Variants in FGF13 observed in about 807,000 individuals in gnomAD.
FGF13 encodes fibroblast growth factor homologous factor 2.
Under a neutral mutation model 19.5 loss-of-function variants are expected in FGF13, and 2 were observed. The ratio of observed to expected loss-of-function variants is 0.10; its 90% CI spans 0.04 to 0.32. The LOEUF (loss-of-function observed/expected upper bound fraction) is 0.32, where lower values mean the gene tolerates loss of function less well. Among genes scored for constraint, FGF13 ranks in the 10% least tolerant of loss-of-function variants. The probability of loss-of-function intolerance (pLI) is 1.00; values close to 1 mark genes in which losing one functional copy is unlikely to be tolerated. For synonymous variants in FGF13, 72 were observed against 76.9 expected (o/e 0.94, Z 0.33); for missense variants, 113 against 192.7 (o/e 0.59, Z 2.45).
intron 3 of FGF13, among the ~76,000 whole-genome samples, chrX:138,642,702 C>T (rs998635740): frequency 8.0e-5 from 9 of 112,238 alleles, no homozygotes; most frequent in Non-Finnish European, 1.7e-4. Flanking sequence ...ACATGAATTA[C>T]ACTTTGTGTT....
chrX:138,656,756 C>T (rs897440298), intron 3 of FGF13, among the ~76,000 whole-genome samples: 1 of 111,971 alleles, frequency 8.9e-6, no homozygotes, highest in Non-Finnish European at 1.9e-5. Flanking sequence ...GGGGCACAAC[C>T]TCCTTTTCAA....
chrX:138,723,781 A>T (rs1194075883), intron 1 of FGF13, among the ~76,000 whole-genome samples: 2 of 112,296 alleles, frequency 1.8e-5, no homozygotes, highest in African/African-American at 3.2e-5. Flanking sequence ...CATAAATGGT[A>T]CATTTCATCT....
rs766468208 is a variant in FGF13, at chrX:138,699,262, T to C, written c.402+3722A>G. ...CCCTTCTTTTCAAGATGAATGTAAT[T>C]CTTTCACTTATACTTAATTCCATCA... On this transcript the variant is annotated intron_variant, in intron 3 of 4. Transcript: ENST00000315930. Among the ~76,000 whole-genome samples, 3 of 112,024 alleles carry C rather than the reference T, an allele frequency of 2.7e-5. No individual in the cohort carries two copies. The South Asian group carries it at 1.1e-3, about 42-fold the overall frequency.
intron 1 of FGF13, among the ~76,000 whole-genome samples, chrX:138,871,467 C>T (rs1441383919): frequency 8.9e-6 from 1 of 112,020 alleles, no homozygotes; most frequent in East Asian, 2.8e-4. Context: ...AAGCTGAGAC[C>T]TCCAAGGGTA....
rs1299371252 is a variant in FGF13 at position 138,767,220 on chromosome X, T to C, written c.218-58292A>G. ...GAGTTTCTTGGCCTCAGCAAGGCAC[T>C]GGTGCTGGCTTCTTCTTCTTGAAAT... On this transcript the variant is annotated intron_variant, in intron 3 of 6. Coordinates refer to the FGF13 transcript ENST00000436198. Among the ~76,000 whole-genome samples the C allele has an allele frequency of 2.7e-5, 3 of 112,412 alleles. 1 individual carries two copies. Among genetic ancestry groups the C allele is most frequent in the Non-Finnish European group, 1.9e-5 (1 of 53,351 alleles).
intron 1 of FGF13, among the ~76,000 whole-genome samples, chrX:139,081,122 GC>G (rs1191698924): frequency 1.8e-5 from 2 of 110,285 alleles, no homozygotes; most frequent in Non-Finnish European, 3.8e-5. Flanking sequence ...CTTTTGAAAT[GC>G]CCCCCACGCC....
chrX:138,688,959 T>C (rs993462705), intron 3 of FGF13, among the ~76,000 whole-genome samples: 15 of 111,576 alleles, frequency 1.3e-4, no homozygotes, highest in African/African-American at 4.9e-4. Flanking sequence ...ATATCTGTCA[T>C]CATGTAATTT....
At chrX:139,130,487 T>TG (rs1266762002) in intron 1 of FGF13, among the ~76,000 whole-genome samples, 1 of 112,202 alleles carries the variant, frequency 8.9e-6, no homozygotes, top group African/African-American at 3.2e-5. Flanking sequence ...GCTGAGCTCA[T>TG]TTATACCAAC....
At chrX:139,084,452 C>T (rs1378299974) in intron 1 of FGF13, among the ~76,000 whole-genome samples, 1 of 111,788 alleles carries the variant, frequency 8.9e-6, no homozygotes, top group Non-Finnish European at 1.9e-5. Flanking sequence ...TCCTTAGATG[C>T]TCTCCAAGGA....
chrX:138,692,679 T>G (rs772577733), intron 3 of FGF13, among the ~76,000 whole-genome samples: 1 of 110,755 alleles, frequency 9.0e-6, no homozygotes, highest in Admixed American at 9.6e-5. Flanking sequence ...AACATTACAT[T>G]TTTCCATTTG....
At chrX:138,903,062 A>C (rs1249866843) in intron 1 of FGF13, among the ~76,000 whole-genome samples, 2 of 112,126 alleles carry the variant, frequency 1.8e-5, no homozygotes, top group Non-Finnish European at 3.8e-5. Context: ...AAGCTTAATG[A>C]TTCTTCCTTG....
intron 4 of FGF13, among the ~76,000 whole-genome samples, chrX:138,634,128 T>C (rs1250618703): frequency 8.9e-6 from 1 of 112,209 alleles, no homozygotes; most frequent in Non-Finnish European, 1.9e-5. Flanking sequence ...TTTGCTGAAA[T>C]AATATGTTGG....
chrX:139,018,609 CTG>C (rs1464921194), intron 1 of FGF13, among the ~76,000 whole-genome samples: 1 of 111,118 alleles, frequency 9.0e-6, no homozygotes, highest in Non-Finnish European at 1.9e-5. Context: ...AAAATGGTCA[CTG>C]TGATGCAGCT....
At chrX:139,071,134 T>C (rs750129171) in intron 1 of FGF13, among the ~76,000 whole-genome samples, 1 of 111,491 alleles carries the variant, frequency 9.0e-6, no homozygotes, top group South Asian at 3.8e-4. Flanking sequence ...ATAATAATAA[T>C]AAAAAAGAAA....
chrX:138,792,345 C>T (rs183999915), intron 3 of FGF13, among the ~76,000 whole-genome samples: 29 of 112,245 alleles, frequency 2.6e-4, no homozygotes, highest in Non-Finnish European at 4.3e-4. Context: ...TAGAGAGTTT[C>T]AATGTCTTGC....
intron 1 of FGF13, among the ~76,000 whole-genome samples, chrX:139,028,282 G>A: frequency 8.9e-6 from 1 of 111,923 alleles, no homozygotes; most frequent in African/African-American, 3.2e-5. Context: ...ATAAGTTTGT[G>A]AAAACAATGG....
chrX:139,126,631 T>C (rs2083718705), intron 1 of FGF13, among the ~76,000 whole-genome samples: 1 of 111,435 alleles, frequency 9.0e-6, no homozygotes, highest in Non-Finnish European at 1.9e-5. Context: ...AATAATCCCC[T>C]TGGCACTTAG....
intron 3 of FGF13, among the ~76,000 whole-genome samples, chrX:138,680,611 G>T (rs1478569749): frequency 9.0e-6 from 1 of 111,441 alleles, no homozygotes; most frequent in African/African-American, 3.3e-5. Flanking sequence ...TCAAAAGTAG[G>T]CTTAAAATAT....
chrX:139,162,696 A>AT (rs1464005042), intron 1 of FGF13, among the ~76,000 whole-genome samples: 1 of 112,377 alleles, frequency 8.9e-6, no homozygotes, highest in Non-Finnish European at 1.9e-5. Context: ...AATTTACAAG[A>AT]TAAAAACAAA....
Sources: allele counts gnomAD v4.1 joint callset (sites outside exome capture counted in the v4.1 genomes callset), GRCh38; gene constraint gnomAD v4.1.1; transcripts MANE v1.5; gene names NCBI Gene and HGNC (gene_info 2026-07-23, HGNC 2026-07-21).